The following ASB16 variants were observed in gnomAD, a reference collection of about 807,000 sequenced individuals.
ASB16 encodes ankyrin repeat and SOCS box containing 16.
ASB16 carries 44 observed loss-of-function variants against 39.1 expected under a neutral mutation model. The ratio of observed to expected loss-of-function variants is 1.13; its 90% CI spans 0.88 to 1.45. The LOEUF (loss-of-function observed/expected upper bound fraction) is 1.45. ASB16 is among the 40% of genes most tolerant of loss of function. The pLI, the probability that ASB16 is intolerant of heterozygous loss-of-function variation, is 0.00. For missense variants in ASB16, 698 were observed against 634.5 expected (o/e 1.10, Z -1.07); for synonymous variants, 305 against 286.7 (o/e 1.06, Z -0.64).
Position 44,178,469 on chromosome 17 carries a change from G to C in ASB16, c.*79G>C, listed in dbSNP as rs990981243. On this transcript the variant is annotated 3_prime_UTR_variant, in exon 5 of 5. Transcript: ENST00000293414. ...CTCCAACTGCGGAGGACCAGTTCCT[G>C]GCCCTCTTTTCTTTTCTTTTTGAGA... The C allele has an allele frequency of 7.8e-6, 11 of 1,410,956 alleles. No homozygotes were observed. The African/African-American group carries it at 1.3e-4, about 17-fold the overall frequency. The allele number at this position is 1,410,956 out of a possible 1,614,324, so 87.4% of individuals were successfully genotyped here.
rs111709164 is a variant in ASB16 at position 44,174,202 on chromosome 17, G to T, written c.569+1889G>T. On this transcript the variant is annotated intron_variant, in intron 2 of 4. Transcript: ENST00000293414. The stretch of plus-strand genomic sequence containing the variant: ...CTACAGGCTCCCGCCAACACGCCCG[G>T]CTAATTTTTTTTTTCTGTATTTTTA... Among the ~76,000 whole-genome samples, 110 of 152,048 alleles carry T rather than the reference G, an allele frequency of 7.2e-4. 2 individuals are homozygous for T. Among genetic ancestry groups the T allele is most frequent in the African/African-American group, 2.4e-3 (99 of 41,478 alleles).
chr17:44,175,419 A>T (rs919941249), intron 2 of ASB16, among the ~76,000 whole-genome samples: 1 of 151,440 alleles, frequency 6.6e-6, no homozygotes, highest in African/African-American at 2.4e-5. Flanking sequence ...AAAAAAAAAA[A>T]AAAAAAAAAA....
At chr17:44,174,109 G>A (rs1016048767) in intron 2 of ASB16, among the ~76,000 whole-genome samples, 1 of 145,040 alleles carries the variant, frequency 6.9e-6, no homozygotes, top group Non-Finnish European at 1.5e-5. Context: ...GCCCGATCTC[G>A]GCTCACTGCA....
In ASB16 at chr17:44,170,938, C is replaced by G. The variant is rs750553915; in HGVS notation, c.149C>G (p.Thr50Ser). 6.2e-7 allele frequency: 1 copy of G among 1,613,566 alleles called. No homozygotes were observed. The highest frequency in any genetic ancestry group is 8.5e-7 in the Non-Finnish European group (1 of 1,179,998). Residue 50 changes from threonine to serine, a missense_variant, in exon 1 of 5, where the codon ACT (threonine) becomes AGT (serine). Thr to Ser is a moderately conservative substitution (Grantham distance 58, BLOSUM62 1). Coordinates refer to ENST00000293414, the MANE Select transcript of ASB16 (RefSeq NM_080863.5). Reference sequence around the variant, plus strand: ...CCGTCAAGTCCCCGGGCCCGACTCACTAGGCCTCACCGTTCCTGCCGAGAC... The same window carrying G: ...CCGTCAAGTCCCCGGGCCCGACTCAGTAGGCCTCACCGTTCCTGCCGAGAC... ...RCPSSPRARL[T>S]RPHRSCRDPA...
chr17:44,171,640 C>T (rs888419237), intron 1 of ASB16, among the ~76,000 whole-genome samples: 3 of 149,966 alleles, frequency 2.0e-5, no homozygotes, highest in Admixed American at 1.3e-4. Context: ...GTGATCATCC[C>T]GCCTTGGCCT....
chr17:44,176,599 GGGCTT>G, intron 2 of ASB16, 134 bp from the exon 3 acceptor site: 1 of 1,224,612 alleles, frequency 8.2e-7, no homozygotes, highest in East Asian at 2.3e-5. Context: ...GTCTGTAGCG[GGGCTT>G]GTATGATTCT....
chr17:44,178,166 G>C, intron 4 of ASB16, 39 bp from the exon 5 acceptor site: 1 of 1,607,924 alleles, frequency 6.2e-7, no homozygotes, highest in South Asian at 1.1e-5. Flanking sequence ...CCAGATGGTA[G>C]GGCAAGGGTC....
At chr17:44,173,854 G>A (rs548226322) in intron 2 of ASB16, among the ~76,000 whole-genome samples, 8 of 152,080 alleles carry the variant, frequency 5.3e-5, no homozygotes, top group African/African-American at 1.4e-4. Context: ...GCCTCACACC[G>A]ATGTTAGGAA....
intron 1 of ASB16, among the ~76,000 whole-genome samples, chr17:44,171,561 TAA>T (rs57839628): frequency 1.5e-4 from 15 of 97,584 alleles, no homozygotes; most frequent in Admixed American, 2.2e-4. Flanking sequence ...AGACCCTGCC[TAA>T]AAAAAAAAAA....
chr17:44,176,462 G>A (rs1210821416), intron 2 of ASB16: 2 of 551,066 alleles, frequency 3.6e-6, no homozygotes, highest in Non-Finnish European at 6.5e-6. Context: ...GAGGCAGTGA[G>A]TACTATTTCT....
At position 44,175,102 on chromosome 17, in the gene ASB16, A is replaced by T. The variant is rs1159733543; in HGVS notation, c.570-1636A>T. ...GGGCGACAGAGCAAGACTCTGCCTC[A>T]AAAAAAAAAAAAAAAGATTGGGCAT... On this transcript the variant is annotated intron_variant, in intron 2 of 4. Transcript: ENST00000293414. 2.2e-3 allele frequency among the ~76,000 whole-genome samples: 102 copies of T among 45,636 alleles called. 2 individuals carry two copies. In the African/African-American group the frequency reaches 0.025, roughly 11 times the overall value. 29.9% of individuals were successfully genotyped at this position (45,636 alleles called of 152,430 possible). A position where few individuals can be genotyped will look rare whatever the true frequency, so the allele number is the denominator to read the frequency against.
At chr17:44,171,643 C>T (rs1261470448) in intron 1 of ASB16, among the ~76,000 whole-genome samples, 5 of 150,382 alleles carry the variant, frequency 3.3e-5, no homozygotes, top group Admixed American at 3.3e-4. Context: ...ATCATCCCGC[C>T]TTGGCCTCCC....
At chr17:44,174,207 T>C (rs1351355920) in intron 2 of ASB16, among the ~76,000 whole-genome samples, 2 of 149,430 alleles carry the variant, frequency 1.3e-5, no homozygotes, top group Non-Finnish European at 3.0e-5. Context: ...GCCCGGCTAA[T>C]TTTTTTTTTC....
chr17:44,177,139 C>T lies in ASB16; in HGVS notation c.971C>T (p.Ala324Val). The T allele has an allele frequency of 2.0e-6, 3 of 1,514,576 alleles. No homozygotes were observed. The highest frequency in any genetic ancestry group is 1.8e-6 in the Non-Finnish European group (2 of 1,134,898). 93.8% of individuals were successfully genotyped at this position (1,514,576 alleles called of 1,614,324 possible). A position where few individuals can be genotyped will look rare whatever the true frequency, so the allele number is the denominator to read the frequency against. ...GCGGGCCACACGCCCATGGACTGTG[C>T]GCTGCAGGCCGTCCAGGACTCCCCC... is the stretch of plus-strand genomic sequence containing the variant. ...NGAGHTPMDC[A>V]LQAVQDSPNW... The change falls in exon 3 of 5, where the codon GCG becomes GTG. Residue 324 changes from alanine to valine, a missense_variant. By Grantham distance (64) the Ala-to-Val change is moderately conservative (BLOSUM62 0). Coordinates refer to ENST00000293414, the MANE Select transcript of ASB16 (RefSeq NM_080863.5).
At chr17:44,171,972 C>G in intron 1 of ASB16, 74 bp from the exon 2 acceptor site, 2 of 1,492,492 alleles carry the variant, frequency 1.3e-6, no homozygotes, top group Non-Finnish European at 1.8e-6. Context: ...CAGCTGTCAG[C>G]TGGAACCAGC....
intron 2 of ASB16, 40 bp downstream of exon 2, chr17:44,172,353 G>T: frequency 3.1e-6 from 5 of 1,589,240 alleles, no homozygotes; most frequent in Non-Finnish European, 4.3e-6. Context: ...GGAGAAATGT[G>T]TGTGTGTGTC....
intron 1 of ASB16, among the ~76,000 whole-genome samples, chr17:44,171,576 A>AAAAAAAAAAG (rs1284311476): frequency 4.0e-5 from 6 of 151,080 alleles, no homozygotes; most frequent in Admixed American, 3.3e-4. Flanking sequence ...AAAAAAAAAA[A>AAAAAAAAAAG]AGAGACAAGG....
intron 3 of ASB16, 70 bp downstream of exon 3, chr17:44,177,300 TG>T (rs2054312403): frequency 6.9e-7 from 1 of 1,457,538 alleles, no homozygotes; most frequent in Non-Finnish European, 9.1e-7. Flanking sequence ...GCTCCGCTTC[TG>T]GGGAAGACAG....
At chr17:44,173,496 T>C (rs2054259978) in intron 2 of ASB16, among the ~76,000 whole-genome samples, 1 of 151,372 alleles carries the variant, frequency 6.6e-6, no homozygotes, top group African/African-American at 2.4e-5. Flanking sequence ...AGTTTGAGAA[T>C]AGTTTGGGCA....
Sources: gnomAD v4.1 joint callset for allele counts (sites outside exome capture counted in the v4.1 genomes callset) on GRCh38, gnomAD v4.1.1 for gene constraint, MANE v1.5 for transcripts, NCBI Gene and HGNC (gene_info 2026-07-23, HGNC 2026-07-21) for gene names.